Variants in THOP1 observed in about 807,000 individuals in gnomAD.
THOP1 encodes the protein thimet oligopeptidase.
A neutral mutation model predicts 71.8 loss-of-function variants in THOP1; 49 were observed. The observed-to-expected ratio is 0.68, with a 90% CI of 0.54 to 0.87. The LOEUF is 0.87. THOP1 is among the 40% of genes least tolerant of loss of function. THOP1 has a pLI of 0.00. For missense variants in THOP1, 843 were observed against 975.6 expected (o/e 0.86, Z 1.81); for synonymous variants, 426 against 421.5 (o/e 1.01, Z -0.13).
At position 2,813,803 on chromosome 19, in the gene THOP1, T is replaced by TC. The variant is rs2144789147; in HGVS notation, c.*528dup. On this transcript the variant is annotated 3_prime_UTR_variant, in exon 13 of 13. Transcript: ENST00000307741. ...GCCGGCCTGGGGGGTCTGAGAGACTTCGGCTTCCTGCATGCTTCTCACCTG... is the reference window on the plus strand; with the variant it reads ...GCCGGCCTGGGGGGTCTGAGAGACTTCCGGCTTCCTGCATGCTTCTCACCTG... 1 of 153,406 alleles carries TC rather than the reference T, an allele frequency of 6.5e-6. No individual in the cohort carries two copies. The highest frequency in any genetic ancestry group is 1.9e-4 in the East Asian group (1 of 5,162). The allele number at this position is 153,406 out of a possible 1,614,324, so 9.5% of individuals were successfully genotyped here.
At chr19:2,807,160 A>G in intron 7 of THOP1, 108 bp downstream of exon 7, 1 of 1,381,482 alleles carries the variant, frequency 7.2e-7, no homozygotes, top group Non-Finnish European at 9.6e-7. Flanking sequence ...CCCTCCATGA[A>G]GAGGGACTTC....
intron 1 of THOP1, among the ~76,000 whole-genome samples, chr19:2,786,164 T>G (rs1051497942): frequency 2.6e-5 from 4 of 152,100 alleles, no homozygotes; most frequent in African/African-American, 7.2e-5. Context: ...GAAGCAAGTG[T>G]CCTGCCAAGA....
chr19:2,795,702 T>A (rs1167349201), intron 3 of THOP1, among the ~76,000 whole-genome samples: 9 of 151,934 alleles, frequency 5.9e-5, no homozygotes, highest in Admixed American at 5.9e-4. Context: ...CAATGAGAGG[T>A]TCCCATGCAG....
intron 4 of THOP1, among the ~76,000 whole-genome samples, chr19:2,797,874 G>A (rs1471782818): frequency 2.6e-5 from 4 of 152,172 alleles, no homozygotes; most frequent in East Asian, 3.8e-4. Flanking sequence ...CCACCTTATG[G>A]CTGAGGCAAC....
At chr19:2,808,606 C>T (rs62123592) in intron 9 of THOP1, among the ~76,000 whole-genome samples, 162 bp downstream of exon 9, 2 of 152,222 alleles carry the variant, frequency 1.3e-5, no homozygotes, top group Non-Finnish European at 2.9e-5. Flanking sequence ...CTGTCATGCC[C>T]GTGTCCTGGG....
rs754592549 is a variant in THOP1, at chr19:2,796,120, C to T, written c.418C>T (p.Arg140Trp). ...QKDSLRPEAA[R>W]YLERLIKLGR... ...GGACTCACTGAGGCCCGAGGCTGCGCGGTACCTGGAGCGGCTAATCAAGCT... is the reference window on the plus strand; with the variant it reads ...GGACTCACTGAGGCCCGAGGCTGCGTGGTACCTGGAGCGGCTAATCAAGCT... Residue 140 changes from arginine to tryptophan, a missense_variant, in exon 4 of 13, where the codon CGG becomes TGG. Arg to Trp is a moderately radical substitution (Grantham distance 101, BLOSUM62 -3). Coordinates refer to ENST00000307741, the MANE Select transcript of THOP1 (RefSeq NM_003249.5). 23 of 1,613,790 alleles carry T rather than the reference C, an allele frequency of 1.4e-5. No individual in the cohort carries two copies. The highest frequency in any genetic ancestry group is 3.3e-5 in the South Asian group (3 of 91,076).
intron 2 of THOP1, among the ~76,000 whole-genome samples, chr19:2,793,312 C>T (rs547287599): frequency 6.6e-6 from 1 of 152,254 alleles, no homozygotes; most frequent in South Asian, 2.1e-4. Flanking sequence ...TAAGTGGTCA[C>T]GCTCCATCTC....
intron 2 of THOP1, among the ~76,000 whole-genome samples, chr19:2,791,888 G>T (rs967093099): frequency 6.6e-6 from 1 of 152,140 alleles, no homozygotes; most frequent in Non-Finnish European, 1.5e-5. Context: ...GGTCTTCAGC[G>T]CCCTGCACCG....
intron 6 of THOP1, chr19:2,806,569 G>A (rs1418780035): frequency 1.8e-5 from 6 of 329,612 alleles, no homozygotes; most frequent in African/African-American, 4.4e-5. Flanking sequence ...TGCTGGTGGC[G>A]ATAGGCAGAG....
intron 1 of THOP1, among the ~76,000 whole-genome samples, chr19:2,789,080 C>T (rs1915816180): frequency 6.6e-6 from 1 of 152,172 alleles, no homozygotes; most frequent in African/African-American, 2.4e-5. Flanking sequence ...TATTTTTGTA[C>T]ACCCCTGGAA....
At chr19:2,802,093 C>CCCACA (rs1272582211) in intron 5 of THOP1, among the ~76,000 whole-genome samples, 1 of 151,484 alleles carries the variant, frequency 6.6e-6, no homozygotes, top group Non-Finnish European at 1.5e-5. Flanking sequence ...TCTCCCAATA[C>CCCACA]TGCTACCTCT....
intron 2 of THOP1, among the ~76,000 whole-genome samples, chr19:2,792,539 A>G (rs1046655920): frequency 7.4e-5 from 11 of 148,386 alleles, no homozygotes; most frequent in African/African-American, 2.7e-4. Flanking sequence ...GCCTGGGGAC[A>G]TTTCTGTTGA....
At chr19:2,793,068 G>A (rs1304885538) in intron 2 of THOP1, among the ~76,000 whole-genome samples, 1 of 152,012 alleles carries the variant, frequency 6.6e-6, no homozygotes, top group Non-Finnish European at 1.5e-5. Context: ...TCAACTACTC[G>A]GGAGACTGAG....
intron 6 of THOP1, 168 bp from the exon 7 acceptor site, chr19:2,806,749 G>A (rs918828348): frequency 7.5e-5 from 88 of 1,176,810 alleles, no homozygotes; most frequent in East Asian, 6.6e-4. Flanking sequence ...TTATGATAAC[G>A]CTGGTGGCAT....
intron 2 of THOP1, 65 bp from the exon 3 acceptor site, chr19:2,794,699 G>T (rs1241498319): frequency 1.9e-6 from 3 of 1,558,776 alleles, no homozygotes; most frequent in Admixed American, 1.7e-5. Context: ...AGGGGTCCGG[G>T]CAACACCTGC....
In THOP1 at chr19:2,810,601, C is replaced by T. The variant is rs1352314563; in HGVS notation, c.1643-39C>T. On this transcript the variant is annotated intron_variant, in intron 10 of 12. Coordinates refer to ENST00000307741, the MANE Select transcript of THOP1 (RefSeq NM_003249.5). ...GAGCTCTGGGCAGAGTGGGCCGGGGCAGGTGCAGAGGCCAGCTCTCTCCTT... is the reference window on the plus strand; with the variant it reads ...GAGCTCTGGGCAGAGTGGGCCGGGGTAGGTGCAGAGGCCAGCTCTCTCCTT... 8 of 1,537,272 alleles carry T rather than the reference C, an allele frequency of 5.2e-6. No homozygotes were observed. In the Admixed American group the frequency reaches 7.9e-5, roughly 15 times the overall value.
intron 7 of THOP1, 142 bp from the exon 8 acceptor site, chr19:2,807,300 C>T (rs548487027): frequency 2.7e-4 from 359 of 1,354,098 alleles, no homozygotes; most frequent in African/African-American, 4.0e-4. Context: ...TGAGGATGCT[C>T]GGCCCCTCGA....
In THOP1 at chr19:2,810,693, A is replaced by G. The variant is rs530937149; in HGVS notation, c.1696A>G (p.Thr566Ala). 12 of 1,572,650 alleles carry G rather than the reference A, an allele frequency of 7.6e-6. No individual in the cohort carries two copies. The African/African-American group carries it at 1.3e-4, about 18-fold the overall frequency. Residue 566 changes from threonine (T) to alanine (A), a missense_variant, in exon 11 of 13, where the codon ACG (threonine) becomes GCG (alanine). By Grantham distance (58) the Thr-to-Ala change is moderately conservative (BLOSUM62 0). Coordinates refer to ENST00000307741, the MANE Select transcript of THOP1 (RefSeq NM_003249.5). ...CGCCAAGGTGGACCAGGCCCTGCAC[A>G]CGCAGACGGACGCAGACCCCGCCGA... is the stretch of plus-strand genomic sequence containing the variant. ...VLAKVDQALH[T>A]QTDADPAEEY...
At position 2,799,825 on chromosome 19, in the gene THOP1, C is replaced by A. The variant is rs202065240; in HGVS notation, c.589+34C>A. Reference sequence around the variant, plus strand: ...CGAGCAGTGGGGCACGGGTGGCCATCGGTCCTGGGACTCAGTGCAGGCCTG... The same window carrying A: ...CGAGCAGTGGGGCACGGGTGGCCATAGGTCCTGGGACTCAGTGCAGGCCTG... On this transcript the variant is annotated intron_variant, in intron 5 of 12. Transcript: ENST00000307741. The A allele has an allele frequency of 4.5e-5, 71 of 1,581,698 alleles. 1 individual carries two copies. The Admixed American group carries it at 9.7e-4, about 22-fold the overall frequency.
Sources: allele counts gnomAD v4.1 joint callset (sites outside exome capture counted in the v4.1 genomes callset), GRCh38; gene constraint gnomAD v4.1.1; transcripts MANE v1.5; gene names NCBI Gene and HGNC (gene_info 2026-07-23, HGNC 2026-07-21).